MS4A4A: variants seen among roughly 807,000 people sequenced by gnomAD.
The protein encoded by MS4A4A is membrane-spanning 4-domains subfamily A member 4A.
MS4A4A carries 26 observed loss-of-function variants against 28.0 expected under a neutral mutation model. That is an observed-to-expected ratio of 0.93 (90% CI 0.68 to 1.29). MS4A4A has a LOEUF of 1.29. MS4A4A is among the 50% of genes most tolerant of loss of function. The pLI is 0.00. For missense variants in MS4A4A, 290 were observed against 293.1 expected, an observed-to-expected ratio of 0.99 and a Z score of 0.08; for synonymous variants, 86 against 100.8, an observed-to-expected ratio of 0.85 and a Z score of 0.88.
intron 1 of MS4A4A, among the ~76,000 whole-genome samples, chr11:60,283,090 G>A (rs755053859): frequency 1.4e-4 from 21 of 151,916 alleles, no homozygotes; most frequent in Non-Finnish European, 2.7e-4. Flanking sequence ...AGGAACCAAT[G>A]ACAAACTATC....
rs78219198 is a variant in MS4A4A, at chr11:60,299,362, T to C, written c.331-1639T>C. Among the ~76,000 whole-genome samples the C allele has an allele frequency of 8.6e-3, 1,301 of 152,094 alleles. 24 individuals are homozygous for C. The highest frequency in any genetic ancestry group is 0.03 in the African/African-American group (1,231 of 41,510). On this transcript the variant is annotated intron_variant, in intron 3 of 6. Coordinates refer to ENST00000337908, the MANE Select transcript of MS4A4A (RefSeq NM_148975.3). ...ATCTTTATCTTGATTTTGACTTTAA[T>C]GAAATGATCCTACATTTTTATCATT... is the stretch of plus-strand genomic sequence containing the variant.
chr11:60,289,467 C>A (rs1234544769), intron 1 of MS4A4A, among the ~76,000 whole-genome samples: 1 of 152,062 alleles, frequency 6.6e-6, no homozygotes, highest in African/African-American at 2.4e-5. Flanking sequence ...ATGTAGCCAT[C>A]CTGGGTTTCT....
At chr11:60,284,696 A>G (rs1043315879) in intron 1 of MS4A4A, among the ~76,000 whole-genome samples, 1 of 152,180 alleles carries the variant, frequency 6.6e-6, no homozygotes. Context: ...AATGGAGTTT[A>G]TGAGGTGGGT....
In MS4A4A at chr11:60,292,229, T is replaced by G; in HGVS notation, c.46T>G (p.Phe16Val). The G allele has an allele frequency of 6.5e-7, 1 of 1,545,660 alleles. No individual in the cohort carries two copies. The highest frequency in any genetic ancestry group is 1.4e-5 in the African/African-American group (1 of 71,080). ...SRHCRPEEST[F>V]SAAMTTMQGM... ...AAATTACATTTCTTATTGTAGCACC[T>G]TTTCTGCTGCCATGACAACCATGCA... is the stretch of plus-strand genomic sequence containing the variant. Residue 16 changes from phenylalanine to valine, a missense_variant, in exon 2 of 7, where the codon TTT becomes GTT. Physicochemically the swap from Phe to Val is conservative, Grantham distance 50. Coordinates refer to ENST00000337908, the MANE Select transcript of MS4A4A (RefSeq NM_148975.3).
At chr11:60,287,975 GCTCC>G (rs2135013373) in intron 1 of MS4A4A, among the ~76,000 whole-genome samples, 1 of 152,310 alleles carries the variant, frequency 6.6e-6, no homozygotes, top group African/African-American at 2.4e-5. Context: ...AGACAGTCCT[GCTCC>G]CATATCTTTG....
At chr11:60,288,233 C>G (rs1222583802) in intron 1 of MS4A4A, among the ~76,000 whole-genome samples, 1 of 152,206 alleles carries the variant, frequency 6.6e-6, no homozygotes, top group Non-Finnish European at 1.5e-5. Flanking sequence ...AAGCCATGCC[C>G]CTACAACTCT....
chr11:60,298,726 G>A (rs770005480), intron 3 of MS4A4A, among the ~76,000 whole-genome samples: 3 of 152,162 alleles, frequency 2.0e-5, no homozygotes, highest in Non-Finnish European at 4.4e-5. Context: ...CTTACATGGT[G>A]CAAGCCTTCC....
intron 2 of MS4A4A, among the ~76,000 whole-genome samples, chr11:60,292,826 T>G (rs946064021): frequency 3.3e-5 from 5 of 152,076 alleles, no homozygotes; most frequent in African/African-American, 1.2e-4. Flanking sequence ...GAGTCTCAGA[T>G]GAGCATGCCC....
intron 2 of MS4A4A, among the ~76,000 whole-genome samples, chr11:60,293,661 C>G (rs538480360): frequency 1.3e-4 from 20 of 152,322 alleles, no homozygotes; most frequent in Non-Finnish European, 2.5e-4. Context: ...AACCACAAAT[C>G]TTTTATTGTC....
Position 60,302,672 on chromosome 11 carries a change from C to T in MS4A4A, c.501C>T (p.Tyr167=). The T allele has an allele frequency of 6.2e-7, 1 of 1,613,922 alleles. No individual in the cohort carries two copies. Among genetic ancestry groups the T allele is most frequent in the Non-Finnish European group, 8.5e-7 (1 of 1,179,814 alleles). ...CATTCCATCACCCTTACTGTAACTA[C>T]TATGGCAACTCAAATAATTGTCATG... ...FYSFHHPYCN[Y]YGNSNNCHGT... is the part of the protein sequence containing the mutation. Residue 167 remains tyrosine (Y), a synonymous_variant, in exon 5 of 7, where the codon TAC becomes TAT. Coordinates refer to ENST00000337908, the MANE Select transcript of MS4A4A (RefSeq NM_148975.3).
chr11:60,302,470 T>G, intron 4 of MS4A4A, 89 bp from the exon 5 acceptor site: 1 of 1,278,772 alleles, frequency 7.8e-7, no homozygotes. Context: ...TAGATGGCAG[T>G]AAGAAAGAGA....
chr11:60,284,441 C>A (rs1332864159), intron 1 of MS4A4A, among the ~76,000 whole-genome samples: 1 of 152,204 alleles, frequency 6.6e-6, no homozygotes, highest in Non-Finnish European at 1.5e-5. Flanking sequence ...CTGCTCCAAC[C>A]TTCTCCGGTC....
intron 2 of MS4A4A, among the ~76,000 whole-genome samples, chr11:60,294,789 T>C (rs1565145845): frequency 6.6e-6 from 1 of 152,066 alleles, no homozygotes; most frequent in Non-Finnish European, 1.5e-5. Context: ...TCTACTCTAT[T>C]CCATTATCTA....
At position 60,308,356 on chromosome 11, in the gene MS4A4A, A is replaced by G. The variant is rs1340618980; in HGVS notation, c.*178A>G. ...ATAGAGAGATAATAAATTCAAAATT[A>G]TGTTCTCATTTTTTTCCCTGGAACT... is the stretch of plus-strand genomic sequence containing the variant. On this transcript the variant is annotated 3_prime_UTR_variant, in exon 7 of 7. Transcript: ENST00000337908. 2 of 533,670 alleles carry G rather than the reference A, an allele frequency of 3.7e-6. No individual in the cohort carries two copies. Among genetic ancestry groups the G allele is most frequent in the East Asian group, 3.2e-5 (1 of 31,134 alleles). 33.1% of individuals were successfully genotyped at this position (533,670 alleles called of 1,614,324 possible).
chr11:60,290,382 A>G (rs2084844670), intron 1 of MS4A4A: 1 of 152,808 alleles, frequency 6.5e-6, no homozygotes, highest in Non-Finnish European at 1.5e-5. Context: ...CTTTGTTTCT[A>G]ACACTCATTT....
intron 6 of MS4A4A, 113 bp downstream of exon 6, chr11:60,306,314 A>T: frequency 2.2e-6 from 2 of 897,964 alleles, no homozygotes; most frequent in African/African-American, 1.7e-5. Context: ...CTCAGTTTCC[A>T]TGGTTCAAGA....
chr11:60,291,728 G>T (rs1199575597), intron 1 of MS4A4A, among the ~76,000 whole-genome samples: 6 of 149,312 alleles, frequency 4.0e-5, no homozygotes, highest in Non-Finnish European at 7.4e-5. Flanking sequence ...AACCCAGGAG[G>T]CAGAGGTTGC....
intron 3 of MS4A4A, among the ~76,000 whole-genome samples, chr11:60,299,434 C>T (rs1590758987): frequency 7.0e-6 from 1 of 142,498 alleles, no homozygotes; most frequent in East Asian, 2.1e-4. Context: ...TATCATGTTA[C>T]AGAAATTACA....
intron 2 of MS4A4A, among the ~76,000 whole-genome samples, chr11:60,292,992 A>C (rs1184548624): frequency 1.3e-5 from 2 of 152,196 alleles, no homozygotes; most frequent in African/African-American, 4.8e-5. Flanking sequence ...GAGGGGGGGA[A>C]ATATAGTTAT....
Sources: allele counts gnomAD v4.1 joint callset (sites outside exome capture counted in the v4.1 genomes callset), GRCh38; gene constraint gnomAD v4.1.1; transcripts MANE v1.5; gene names NCBI Gene and HGNC (gene_info 2026-07-23, HGNC 2026-07-21).